The following IL1R1 variants were observed in gnomAD, a reference collection of about 807,000 sequenced individuals.
IL1R1 encodes interleukin 1 receptor type 1.
A neutral mutation model predicts 50.2 loss-of-function variants in IL1R1; 22 were observed. That is an observed-to-expected ratio of 0.44 (90% CI 0.31 to 0.63). The LOEUF (loss-of-function observed/expected upper bound fraction) is 0.63. Among genes scored for constraint, IL1R1 ranks in the 20% least tolerant of loss-of-function variants. The pLI is 0.07. For synonymous variants in IL1R1, 251 were observed against 236.7 expected (o/e 1.06, Z -0.55); for missense variants, 509 against 676.2 (o/e 0.75, Z 2.74).
intron 1 of IL1R1, among the ~76,000 whole-genome samples, chr2:102,108,239 T>TG (rs759449456): frequency 1.1e-4 from 16 of 150,300 alleles, no homozygotes; most frequent in African/African-American, 4.0e-4. Context: ...TGTGTGTGTG[T>TG]GTGGGGGGGG....
At chr2:102,092,759 G>A (rs1384049475) in intron 1 of IL1R1, among the ~76,000 whole-genome samples, 1 of 152,184 alleles carries the variant, frequency 6.6e-6, no homozygotes, top group Non-Finnish European at 1.5e-5. Flanking sequence ...GATGGTGGGA[G>A]GGCAGCAAGA....
At chr2:102,158,128 A>G (rs192397229) in intron 3 of IL1R1, among the ~76,000 whole-genome samples, 1 of 152,308 alleles carries the variant, frequency 6.6e-6, no homozygotes, top group East Asian at 1.9e-4. Flanking sequence ...TCTGACTTTC[A>G]TTTGGAGGAG....
At chr2:102,170,474 T>C (rs1685575152) in intron 7 of IL1R1, among the ~76,000 whole-genome samples, 1 of 152,206 alleles carries the variant, frequency 6.6e-6, no homozygotes, top group African/African-American at 2.4e-5. Flanking sequence ...TATTATTGTT[T>C]CCTGATCATA....
intron 1 of IL1R1, among the ~76,000 whole-genome samples, chr2:102,126,881 G>A (rs982152635): frequency 1.3e-5 from 2 of 152,212 alleles, no homozygotes; most frequent in Non-Finnish European, 2.9e-5. Flanking sequence ...CATATCTTGG[G>A]CCAGTGGCTG....
At chr2:102,103,568 G>A (rs1223430187), upstream of IL1R1, among the ~76,000 whole-genome samples, 2 of 152,190 alleles carry the variant, frequency 1.3e-5, no homozygotes, top group Non-Finnish European at 2.9e-5. Context: ...TGAAGACCTT[G>A]AATGCTAGAA....
intron 1 of IL1R1, among the ~76,000 whole-genome samples, chr2:102,152,737 C>T (rs36214470): frequency 1.5e-3 from 232 of 152,064 alleles, no homozygotes; most frequent in Non-Finnish European, 2.7e-3. Context: ...GGACTGGGAG[C>T]GGGAGGATGT....
At chr2:102,109,225 T>C (rs920380322) in intron 1 of IL1R1, among the ~76,000 whole-genome samples, 3 of 152,160 alleles carry the variant, frequency 2.0e-5, no homozygotes, top group South Asian at 4.1e-4. Flanking sequence ...AGACAATGTC[T>C]CATGGTTTTA....
In IL1R1 at chr2:102,171,601, T is replaced by A. The variant is rs1685679169; in HGVS notation, c.722-200T>A. On this transcript the variant is annotated intron_variant, in intron 7 of 11. Coordinates refer to ENST00000410023, the MANE Select transcript of IL1R1 (RefSeq NM_000877.4). Reference sequence around the variant, plus strand: ...GGCAAAAAGACCCCATTTCAAAAACTGCACATGTTCACAGAGAAGATAAGG... The same window carrying A: ...GGCAAAAAGACCCCATTTCAAAAACAGCACATGTTCACAGAGAAGATAAGG... Among the ~76,000 whole-genome samples, 5 of 152,248 alleles carry A rather than the reference T, an allele frequency of 3.3e-5. No individual in the cohort carries two copies. In the South Asian group the frequency reaches 1.0e-3, roughly 32 times the overall value.
chr2:102,087,124 A>G (rs77831177), intron 1 of IL1R1, among the ~76,000 whole-genome samples: 4,355 of 152,268 alleles, frequency 0.029, 205 homozygotes, highest in African/African-American at 0.099. Flanking sequence ...TTTATGTCTA[A>G]AAAACAATGT....
upstream of IL1R1, chr2:102,141,823 A>C (rs1446846272): frequency 1.3e-5 from 2 of 152,256 alleles, no homozygotes; most frequent in Non-Finnish European, 2.9e-5. Context: ...GGGGCCAGTC[A>C]CTTGCTGAAG....
intron 1 of IL1R1, among the ~76,000 whole-genome samples, chr2:102,124,490 T>C (rs1239261368): frequency 2.6e-5 from 4 of 151,404 alleles, no homozygotes; most frequent in African/African-American, 9.7e-5. Flanking sequence ...GAGGTATAAT[T>C]GGCTCACAAT....
intron 10 of IL1R1, among the ~76,000 whole-genome samples, chr2:102,174,932 A>C (rs1333335492): frequency 6.6e-6 from 1 of 152,174 alleles, no homozygotes; most frequent in Non-Finnish European, 1.5e-5. Context: ...TTCCTGCCTC[A>C]ACATTCATAT....
chr2:102,117,794 C>CTTGAGTTTCAATAGTTACCTTAGTTTAT lies in IL1R1; in HGVS notation c.-84+12924_-84+12951dup, dbSNP rs1411741782. ...TTTACATTGCCCAGTGTTCCGAGTG[C>CTTGAGTTTCAATAGTTACCTTAGTTTAT]TTGAGTTTCAATAGTTACCTTAGTT... On this transcript the variant is annotated intron_variant, in intron 1 of 10. Coordinates refer to the IL1R1 transcript ENST00000409329. 1.1e-4 allele frequency among the ~76,000 whole-genome samples: 17 copies of CTTGAGTTTCAATAGTTACCTTAGTTTAT among 152,186 alleles called. 1 individual carries two copies. The East Asian group carries it at 2.9e-3, about 26-fold the overall frequency.
exon 1 of IL1R1, chr2:102,104,659 C>T (rs544598637): frequency 0.014 from 2,147 of 152,332 alleles, 27 homozygotes; most frequent in Non-Finnish European, 0.025. Context: ...CTGGGGCGTC[C>T]GGCAAGATGT....
upstream of IL1R1, among the ~76,000 whole-genome samples, chr2:102,138,460 G>A (rs772496376): frequency 7.2e-5 from 11 of 152,142 alleles, no homozygotes; most frequent in Non-Finnish European, 1.2e-4. Context: ...GCCTATGACC[G>A]TCTTATGAAA....
chr2:102,088,090 G>A (rs891159937), intron 1 of IL1R1, among the ~76,000 whole-genome samples: 6 of 152,118 alleles, frequency 3.9e-5, no homozygotes, highest in African/African-American at 1.2e-4. Flanking sequence ...ACGAGGGTTG[G>A]AGTCAACTTC....
Position 102,123,558 on chromosome 2 carries a change from C to G in IL1R1, c.-84+18686C>G, listed in dbSNP as rs140991315. Among the ~76,000 whole-genome samples the G allele has an allele frequency of 7.5e-3, 1,145 of 152,190 alleles. 17 individuals are homozygous for G. The highest frequency in any genetic ancestry group is 0.025 in the African/African-American group (1,043 of 41,506). On this transcript the variant is annotated intron_variant, in intron 1 of 10. Transcript: ENST00000409329. The stretch of plus-strand genomic sequence containing the variant: ...TGGGAGGCCAAGGCAGACAGATCAC[C>G]TGAGGTCAGGAGTTCCAGACCAGCC...
At chr2:102,172,426 G>T (rs1021154124) in intron 8 of IL1R1, 1 of 985,200 alleles carries the variant, frequency 1.0e-6, no homozygotes, top group Middle Eastern at 5.2e-4. Context: ...AGAACACAAT[G>T]CATTTGTCTA....
chr2:102,103,681 C>T (rs986823034), upstream of IL1R1, among the ~76,000 whole-genome samples: 2 of 151,896 alleles, frequency 1.3e-5, no homozygotes, highest in African/African-American at 2.4e-5. Flanking sequence ...GTGCAGAGCA[C>T]AGGAGGAGCT....
Sources: gnomAD v4.1 joint callset for allele counts (sites outside exome capture counted in the v4.1 genomes callset) on GRCh38, gnomAD v4.1.1 for gene constraint, MANE v1.5 for transcripts, NCBI Gene and HGNC (gene_info 2026-07-23, HGNC 2026-07-21) for gene names.